The following NOMO1 variants were observed in gnomAD, a reference collection of about 807,000 sequenced individuals.
NOMO1 encodes the protein nodal modulator 3.
In NOMO1, 40 loss-of-function variants were observed where a neutral mutation model predicts 133.8. The ratio of observed to expected loss-of-function variants is 0.30; its 90% CI spans 0.23 to 0.39. The LOEUF is 0.39. NOMO1 is among the 10% of genes least tolerant of loss of function. The pLI is 1.00. For synonymous variants in NOMO1, 236 were observed against 570.5 expected, an observed-to-expected ratio of 0.41 and a Z score of 8.36; for missense variants, 462 against 1,419.9, an observed-to-expected ratio of 0.33 and a Z score of 10.84.
At position 14,833,781 on chromosome 16, in the gene NOMO1, A is replaced by C; in HGVS notation, c.-71A>C. On this transcript the variant is annotated 5_prime_UTR_variant, in exon 1 of 31. Coordinates refer to ENST00000287667, the MANE Select transcript of NOMO1 (RefSeq NM_014287.4). ...GTCAGCCGGCCTAGGAGGAGGAAGG[A>C]GCCTGCGGCGTGCAGTGTGAGGGGC... The C allele has an allele frequency of 4.7e-6, 2 of 430,076 alleles. No individual in the cohort carries two copies. The highest frequency in any genetic ancestry group is 3.8e-5 in the East Asian group (1 of 26,330). 26.6% of individuals were successfully genotyped at this position (430,076 alleles called of 1,614,324 possible). A position where few individuals can be genotyped will look rare whatever the true frequency, so the allele number is the denominator to read the frequency against.
chr16:14,884,296 C>T (rs1296489910), intron 26 of NOMO1, 76 bp from the exon 27 acceptor site: 31 of 1,462,200 alleles, frequency 2.1e-5, no homozygotes, highest in Non-Finnish European at 2.8e-5. Context: ...AAGCAGCTCT[C>T]AGGCCATCGG....
At chr16:14,873,803 T>G (rs116251739) in intron 18 of NOMO1, among the ~76,000 whole-genome samples, 1,703 of 144,772 alleles carry the variant, frequency 0.012, 36 homozygotes, top group African/African-American at 0.034. Context: ...CCTGGGGATC[T>G]TGTACTCAGC....
At chr16:14,868,711 T>G in intron 16 of NOMO1, 76 bp downstream of exon 16, 1 of 918,502 alleles carries the variant, frequency 1.1e-6, no homozygotes, top group Non-Finnish European at 1.8e-6. Flanking sequence ...AAGGCATTTT[T>G]TTCTACCTTA....
Position 14,838,965 on chromosome 16 carries a change from T to A in NOMO1, c.255+469T>A, listed in dbSNP as rs1009321691. On this transcript the variant is annotated intron_variant, in intron 2 of 30. Transcript: ENST00000287667. The stretch of plus-strand genomic sequence containing the variant: ...AAGAAAGTCAAGGTCTTTAGAAGTA[T>A]GTGAAATAAATTTGTACCCTTTTCC... Among the ~76,000 whole-genome samples the A allele has an allele frequency of 3.3e-5, 5 of 151,836 alleles. 1 individual carries two copies. Among genetic ancestry groups the A allele is most frequent in the Admixed American group, 2.6e-4 (4 of 15,236 alleles).
Position 14,862,436 on chromosome 16 carries a change from A to G in NOMO1, c.1221-577A>G, listed in dbSNP as rs1295591811. The G allele has an allele frequency of 1.3e-5, 2 of 155,602 alleles. 1 individual carries two copies. The highest frequency in any genetic ancestry group is 3.9e-4 in the East Asian group (2 of 5,190). The allele number at this position is 155,602 out of a possible 1,614,324, so 9.6% of individuals were successfully genotyped here. A position where few individuals can be genotyped will look rare whatever the true frequency, so the allele number is the denominator to read the frequency against. On this transcript the variant is annotated intron_variant, in intron 11 of 30. Coordinates refer to ENST00000287667, the MANE Select transcript of NOMO1 (RefSeq NM_014287.4). ...GTTATAAGTTACATTTGTGGCTCCTACCTCCCAAGGAGTTCAATTTTAGCT... is the reference window on the plus strand; with the variant it reads ...GTTATAAGTTACATTTGTGGCTCCTGCCTCCCAAGGAGTTCAATTTTAGCT...
At chr16:14,861,862 CT>C (rs1963926573) in intron 11 of NOMO1, among the ~76,000 whole-genome samples, 1 of 132,176 alleles carries the variant, frequency 7.6e-6, no homozygotes, top group African/African-American at 2.6e-5. Context: ...ACTTTAACCA[CT>C]TAAGAGTGTA....
intron 5 of NOMO1, 38 bp downstream of exon 5, chr16:14,846,721 C>T (rs937568107): frequency 8.8e-6 from 7 of 797,446 alleles, no homozygotes; most frequent in Non-Finnish European, 1.0e-5. Context: ...GCCTTAGAGC[C>T]GGGCTCTGAC....
intron 16 of NOMO1, among the ~76,000 whole-genome samples, chr16:14,869,999 G>T (rs914107607): frequency 6.6e-6 from 1 of 151,320 alleles, no homozygotes; most frequent in Non-Finnish European, 1.5e-5. Context: ...TAATTCAGTG[G>T]CTCCTCTGTT....
At chr16:14,869,027 C>T (rs1964044208) in intron 16 of NOMO1, among the ~76,000 whole-genome samples, 1 of 151,936 alleles carries the variant, frequency 6.6e-6, no homozygotes, top group African/African-American at 2.4e-5. Context: ...CAGCCTCCGC[C>T]TCCTGGGTTC....
At chr16:14,856,112 G>A (rs1963830229) in intron 9 of NOMO1, among the ~76,000 whole-genome samples, 1 of 152,214 alleles carries the variant, frequency 6.6e-6, no homozygotes, top group East Asian at 1.9e-4. Flanking sequence ...GTTATTGAGT[G>A]CCTGCTGTGT....
intron 11 of NOMO1, among the ~76,000 whole-genome samples, chr16:14,861,939 T>C (rs1010057340): frequency 1.3e-5 from 2 of 150,000 alleles, no homozygotes; most frequent in East Asian, 2.0e-4. Context: ...GGTAGTTTGC[T>C]GACCCATGCT....
At chr16:14,866,721 G>C in intron 15 of NOMO1, 30 bp downstream of exon 15, 1 of 1,609,740 alleles carries the variant, frequency 6.2e-7, no homozygotes, top group African/African-American at 1.4e-5. Flanking sequence ...TCTCTTATTT[G>C]GAAAAGCGCT....
intron 7 of NOMO1, chr16:14,853,120 G>A: frequency 4.4e-6 from 1 of 225,460 alleles, no homozygotes; most frequent in Non-Finnish European, 7.9e-6. Context: ...AATCAGACCT[G>A]GGTTTAAACA....
chr16:14,853,628 T>C (rs893066964), intron 8 of NOMO1, 24 bp downstream of exon 8: 2 of 1,611,482 alleles, frequency 1.2e-6, no homozygotes, highest in Non-Finnish European at 1.7e-6. Flanking sequence ...ATTTCCGTTC[T>C]GTTTATGTCT....
At chr16:14,845,513 C>G (rs1478693618) in intron 4 of NOMO1, among the ~76,000 whole-genome samples, 1 of 151,966 alleles carries the variant, frequency 6.6e-6, no homozygotes, top group Non-Finnish European at 1.5e-5. Context: ...TATTTAAGTT[C>G]TGAGATTTTT....
chr16:14,843,554 G>C (rs1308903532), intron 3 of NOMO1, among the ~76,000 whole-genome samples: 1 of 151,830 alleles, frequency 6.6e-6, no homozygotes, highest in Non-Finnish European at 1.5e-5. Context: ...AGCCCTTCTG[G>C]TGGGGGTGTG....
In NOMO1 at chr16:14,866,647, A is replaced by G. The variant is rs1246018171; in HGVS notation, c.1762A>G (p.Thr588Ala). The G allele has an allele frequency of 1.2e-6, 2 of 1,610,048 alleles. No homozygotes were observed. Among genetic ancestry groups the G allele is most frequent in the Admixed American group, 3.3e-5 (2 of 59,950 alleles). ...DDMSAVEFRQTGYMLRCSLSH... is the reference protein window; with the variant it reads ...DDMSAVEFRQAGYMLRCSLSH... Reference sequence around the variant, plus strand: ...CATGTCTGCAGTTGAGTTCAGGCAGACGGGCTACATGCTGAGATGTTCCCT... The same window carrying G: ...CATGTCTGCAGTTGAGTTCAGGCAGGCGGGCTACATGCTGAGATGTTCCCT... The change falls in exon 15 of 31, where the codon ACG (threonine) becomes GCG (alanine). Residue 588 changes from threonine (T) to alanine (A), a missense_variant. Physicochemically the swap from Thr to Ala is moderately conservative, Grantham distance 58. Transcript: ENST00000287667.
intron 26 of NOMO1, 80 bp from the exon 27 acceptor site, chr16:14,884,292 C>G (rs368087551): frequency 0.021 from 30,469 of 1,474,404 alleles, 308 homozygotes; most frequent in Middle Eastern, 0.045. Context: ...CATGAAGCAG[C>G]TCTCAGGCCA....
At chr16:14,893,193 T>G (rs1964431373) in intron 29 of NOMO1, among the ~76,000 whole-genome samples, 1 of 151,538 alleles carries the variant, frequency 6.6e-6, no homozygotes, top group Admixed American at 6.6e-5. Flanking sequence ...TTTATTTATT[T>G]ATTCATTATT....
Sources: gnomAD v4.1 joint callset for allele counts (sites outside exome capture counted in the v4.1 genomes callset) on GRCh38, gnomAD v4.1.1 for gene constraint, MANE v1.5 for transcripts, NCBI Gene and HGNC (gene_info 2026-07-23, HGNC 2026-07-21) for gene names.